The following ZMYM2 variants were observed in gnomAD, a reference collection of about 807,000 sequenced individuals.
ZMYM2 encodes the protein zinc finger MYM-type containing 2, also known as zinc finger MYM-type protein 2.
A neutral mutation model predicts 162.8 loss-of-function variants in ZMYM2; 56 were observed. That is an observed-to-expected ratio of 0.34 (90% CI 0.28 to 0.43). ZMYM2 has a LOEUF of 0.43. ZMYM2 is among the 20% of genes least tolerant of loss of function. The probability of loss-of-function intolerance (pLI) is 1.00; values close to 1 mark genes in which losing one functional copy is unlikely to be tolerated. For synonymous variants in ZMYM2, 510 were observed against 541.6 expected, an observed-to-expected ratio of 0.94 and a Z score of 0.81; for missense variants, 1,275 against 1,621.8, an observed-to-expected ratio of 0.79 and a Z score of 3.67.
chr13:19,999,044 C>T (rs935275055), intron 3 of ZMYM2, among the ~76,000 whole-genome samples: 2 of 152,120 alleles, frequency 1.3e-5, no homozygotes, highest in African/African-American at 4.8e-5. Flanking sequence ...GCAACTAGTG[C>T]AGCAAACTGG....
the ZMYM2 span, among the ~76,000 whole-genome samples, chr13:19,900,965 G>A: frequency 6.6e-6 from 1 of 152,088 alleles, no homozygotes; most frequent in Non-Finnish European, 1.5e-5. Flanking sequence ...GATATCAAAA[G>A]CACAGGCAAT....
the ZMYM2 span, among the ~76,000 whole-genome samples, chr13:19,939,991 G>A: frequency 2.6e-5 from 4 of 152,090 alleles, no homozygotes; most frequent in Non-Finnish European, 5.9e-5. Flanking sequence ...TGTCGATAAC[G>A]TATTGTTAAC....
the ZMYM2 span, among the ~76,000 whole-genome samples, chr13:19,884,611 T>C: frequency 1.3e-5 from 2 of 151,872 alleles, no homozygotes; most frequent in Non-Finnish European, 2.9e-5. Context: ...ACGGTGAGTA[T>C]TACAGCTGTT....
chr13:20,029,371 G>A (rs533924478), intron 9 of ZMYM2, among the ~76,000 whole-genome samples: 5 of 152,318 alleles, frequency 3.3e-5, no homozygotes, highest in Admixed American at 3.3e-4. Context: ...CTGTCACCTT[G>A]GGGTTTAGGA....
At chr13:20,001,753 C>T (rs996641952) in intron 3 of ZMYM2, among the ~76,000 whole-genome samples, 13 of 152,174 alleles carry the variant, frequency 8.5e-5, no homozygotes, top group African/African-American at 3.1e-4. Context: ...CAGCCACCAT[C>T]GTGATCAGTC....
At chr13:19,873,193 G>C in the ZMYM2 span, among the ~76,000 whole-genome samples, 1 of 151,840 alleles carries the variant, frequency 6.6e-6, no homozygotes, top group Admixed American at 6.6e-5. Context: ...TGTATCAATG[G>C]TCCCAATATT....
intron 2 of ZMYM2, among the ~76,000 whole-genome samples, chr13:19,969,441 A>G (rs947171668): frequency 1.3e-5 from 2 of 152,362 alleles, no homozygotes; most frequent in African/African-American, 4.8e-5. Flanking sequence ...AATTTACTCA[A>G]CTGCAAAGTG....
rs551354015 is a variant in ZMYM2, at chr13:20,080,810, C to T, written c.3454-1206C>T. 3.3e-5 allele frequency among the ~76,000 whole-genome samples: 5 copies of T among 152,208 alleles called. No homozygotes were observed. The East Asian group carries it at 9.7e-4, about 29-fold the overall frequency. ...CACCCCAGTATCTGTCTTTTAATTG[C>T]TGTTTAGACCAGGGACCAACAGACT... On this transcript the variant is annotated intron_variant, in intron 21 of 24. Transcript: ENST00000610343.
At chr13:19,878,408 T>TG in the ZMYM2 span, among the ~76,000 whole-genome samples, 160 of 152,244 alleles carry the variant, frequency 1.1e-3, no homozygotes, top group Non-Finnish European at 2.0e-3. Context: ...TATCCAATTG[T>TG]GGTTCTGATT....
At chr13:19,980,677 C>CA (rs1957237874) in intron 2 of ZMYM2, among the ~76,000 whole-genome samples, 1 of 140,918 alleles carries the variant, frequency 7.1e-6, no homozygotes, top group Non-Finnish European at 1.5e-5. Flanking sequence ...CACTTGAACC[C>CA]AGGAGGTGAA....
the ZMYM2 span, among the ~76,000 whole-genome samples, chr13:19,908,078 A>G: frequency 1.2e-4 from 19 of 152,288 alleles, 1 homozygote; most frequent in African/African-American, 4.3e-4. Context: ...ACTTGAGCTC[A>G]GGAGTTTGAG....
rs1181175647 is a variant in ZMYM2 at position 20,031,355 on chromosome 13, G to A, written c.1888G>A (p.Val630Ile). Reference protein sequence around the residue: ...SMQSSPNGQFVAPSDIQLKCN... With the variant: ...SMQSSPNGQFIAPSDIQLKCN... Reference sequence around the variant, plus strand: ...GCAGTCATCTCCAAATGGCCAGTTTGTAGCGCCAAGTGATATTCAGTTGAA... The same window carrying A: ...GCAGTCATCTCCAAATGGCCAGTTTATAGCGCCAAGTGATATTCAGTTGAA... The change falls in exon 10 of 25, where the codon GTA becomes ATA. Residue 630 changes from valine (V) to isoleucine (I), a missense_variant. Val to Ile is a conservative substitution (Grantham distance 29). Around this residue, in one of 10 missense-constraint regions of ZMYM2, gnomAD observed 276 missense variants for 311.8 expected, o/e 0.89. Transcript: ENST00000610343. 3.1e-6 allele frequency: 5 copies of A among 1,608,714 alleles called. No individual in the cohort carries two copies. Among genetic ancestry groups the A allele is most frequent in the Non-Finnish European group, 2.5e-6 (3 of 1,178,674 alleles).
intron 6 of ZMYM2, among the ~76,000 whole-genome samples, chr13:20,007,720 A>G (rs1422188072): frequency 6.6e-6 from 1 of 150,820 alleles, no homozygotes; most frequent in East Asian, 2.0e-4. Context: ...TCCTGGGTTC[A>G]AGTGATTCTC....
intron 2 of ZMYM2, among the ~76,000 whole-genome samples, chr13:19,960,737 C>G (rs1362474995): frequency 3.9e-5 from 6 of 152,136 alleles, no homozygotes; most frequent in African/African-American, 1.4e-4. Flanking sequence ...ATGTAATGTG[C>G]TAGAGAGGAA....
At chr13:19,956,045 G>A (rs1036726519), upstream of ZMYM2, among the ~76,000 whole-genome samples, 7 of 152,150 alleles carry the variant, frequency 4.6e-5, no homozygotes, top group African/African-American at 1.7e-4. Flanking sequence ...CTGTTCAGAG[G>A]TTTTTAGCAC....
chr13:20,029,490 T>G (rs1952880171), intron 9 of ZMYM2, among the ~76,000 whole-genome samples: 1 of 151,436 alleles, frequency 6.6e-6, no homozygotes, highest in African/African-American at 2.4e-5. Flanking sequence ...TTGGAAACGC[T>G]AAGAGTAATG....
intron 21 of ZMYM2, among the ~76,000 whole-genome samples, chr13:20,074,144 T>C (rs1957299788): frequency 6.6e-6 from 1 of 152,052 alleles, no homozygotes; most frequent in Non-Finnish European, 1.5e-5. Context: ...GCTTATTTCA[T>C]GTAGCATAAT....
At chr13:19,881,548 G>C in the ZMYM2 span, among the ~76,000 whole-genome samples, 1 of 152,020 alleles carries the variant, frequency 6.6e-6, no homozygotes, top group Admixed American at 6.6e-5. Flanking sequence ...CTTGAACCCA[G>C]GAGGAGGAGG....
the ZMYM2 span, among the ~76,000 whole-genome samples, chr13:19,866,076 G>T: frequency 6.7e-6 from 1 of 149,028 alleles, no homozygotes; most frequent in Non-Finnish European, 1.5e-5. Flanking sequence ...AAATGAATTG[G>T]CCGGGCACAA....
Sources: allele counts gnomAD v4.1 joint callset (sites outside exome capture counted in the v4.1 genomes callset), GRCh38; gene constraint gnomAD v4.1.1; regional missense constraint gnomAD v4.1.1; transcripts MANE v1.5; gene names NCBI Gene and HGNC (gene_info 2026-07-23, HGNC 2026-07-21).